The following SLC39A11 variants were observed in gnomAD, a reference collection of about 807,000 sequenced individuals.
SLC39A11 encodes zinc transporter ZIP11.
Under a neutral mutation model 36.1 loss-of-function variants are expected in SLC39A11, and 33 were observed. That is an observed-to-expected ratio of 0.91 (90% CI 0.69 to 1.22). The LOEUF (loss-of-function observed/expected upper bound fraction) is 1.22. SLC39A11 is among the 50% of genes most tolerant of loss of function. SLC39A11 has a pLI of 0.00. For synonymous variants in SLC39A11, 166 were observed against 170.3 expected, an observed-to-expected ratio of 0.97 and a Z score of 0.20; for missense variants, 432 against 430.3, an observed-to-expected ratio of 1.00 and a Z score of -0.03.
At chr17:72,743,729 C>T (rs375818563) in intron 6 of SLC39A11, among the ~76,000 whole-genome samples, 66 of 152,104 alleles carry the variant, frequency 4.3e-4, no homozygotes, top group Admixed American at 9.2e-4. Context: ...GATCAACAGA[C>T]GGTAGAAAGA....
intron 6 of SLC39A11, among the ~76,000 whole-genome samples, chr17:72,784,157 C>T (rs552267576): frequency 6.6e-6 from 1 of 152,212 alleles, no homozygotes; most frequent in South Asian, 2.1e-4. Flanking sequence ...CCAGCCTGGC[C>T]AACACGGTGA....
chr17:73,068,125 A>C lies in SLC39A11; in HGVS notation c.147+16683T>G. Reference sequence around the variant, plus strand: ...CTCCCACAGCCTTTAGCAAAATGTCAATTTTTTTCTTGGTGTCGCCAGCAG... The same window carrying C: ...CTCCCACAGCCTTTAGCAAAATGTCCATTTTTTTCTTGGTGTCGCCAGCAG... On this transcript the variant is annotated intron_variant, in intron 3 of 9. Transcript: ENST00000255559. 5 of 1,362,634 alleles carry C rather than the reference A, an allele frequency of 3.7e-6. No individual in the cohort carries two copies. The South Asian group carries it at 4.8e-5, about 13-fold the overall frequency. 84.4% of individuals were successfully genotyped at this position (1,362,634 alleles called of 1,614,324 possible). A position where few individuals can be genotyped will look rare whatever the true frequency, so the allele number is the denominator to read the frequency against.
chr17:72,959,831 G>A (rs867655592), intron 4 of SLC39A11, among the ~76,000 whole-genome samples: 28 of 152,258 alleles, frequency 1.8e-4, no homozygotes, highest in African/African-American at 4.3e-4. Context: ...GGTCAAAGTA[G>A]GAGCCAAGAG....
chr17:73,014,622 A>G (rs1284939944), intron 4 of SLC39A11, among the ~76,000 whole-genome samples: 1 of 152,220 alleles, frequency 6.6e-6, no homozygotes, highest in Non-Finnish European at 1.5e-5. Context: ...GTGCCACTGC[A>G]CTCCAACTTG....
At chr17:72,795,199 T>C (rs1297104807) in intron 6 of SLC39A11, among the ~76,000 whole-genome samples, 2 of 152,200 alleles carry the variant, frequency 1.3e-5, no homozygotes, top group South Asian at 4.1e-4. Flanking sequence ...CAGGAGGGGC[T>C]TAGCTGGATG....
At chr17:73,076,470 G>A (rs1281597248) in intron 3 of SLC39A11, among the ~76,000 whole-genome samples, 1 of 152,196 alleles carries the variant, frequency 6.6e-6, no homozygotes, top group East Asian at 1.9e-4. Flanking sequence ...TATTACAGAT[G>A]TATTGCAATG....
chr17:72,653,421 T>C (rs1012064369), intron 7 of SLC39A11, among the ~76,000 whole-genome samples: 40 of 142,918 alleles, frequency 2.8e-4, no homozygotes, highest in African/African-American at 1.0e-3. Context: ...TTTGTTTTGG[T>C]TTTTCTTTTC....
intron 7 of SLC39A11, among the ~76,000 whole-genome samples, chr17:72,729,432 TATATATATATATATATATA>T (rs2074094467): frequency 1.7e-3 from 6 of 3,456 alleles, no homozygotes; most frequent in South Asian, 8.6e-3. Context: ...TATATATATA[TATATATATATATATATATA>T]TATATATTTT....
At chr17:72,824,331 T>C (rs1441797567) in intron 6 of SLC39A11, among the ~76,000 whole-genome samples, 2 of 151,370 alleles carry the variant, frequency 1.3e-5, no homozygotes, top group East Asian at 3.8e-4. Flanking sequence ...GACTGAAGGT[T>C]TCCTGAGGCC....
intron 4 of SLC39A11, among the ~76,000 whole-genome samples, chr17:73,027,376 C>T (rs899099175): frequency 4.6e-5 from 7 of 152,196 alleles, no homozygotes; most frequent in Non-Finnish European, 8.8e-5. Context: ...TGTCCACCCC[C>T]TTTTTTTCTC....
chr17:72,852,228 A>AAAAAAAAAAAAAAAAAAAC (rs1491123331), intron 5 of SLC39A11, among the ~76,000 whole-genome samples: 4 of 134,906 alleles, frequency 3.0e-5, no homozygotes, highest in East Asian at 2.2e-4. Flanking sequence ...AAAAAAAAAA[A>AAAAAAAAAAAAAAAAAAAC]CAGAAAGAAA....
chr17:72,771,259 T>C (rs2075928062), intron 6 of SLC39A11, among the ~76,000 whole-genome samples: 1 of 151,258 alleles, frequency 6.6e-6, no homozygotes, highest in Non-Finnish European at 1.5e-5. Flanking sequence ...CGGCGATGCC[T>C]GTAATCCCAG....
chr17:72,663,210 C>G (rs1053743778), intron 7 of SLC39A11, among the ~76,000 whole-genome samples: 3 of 152,186 alleles, frequency 2.0e-5, no homozygotes, highest in African/African-American at 7.2e-5. Flanking sequence ...TTCTCCTTAA[C>G]ATATTTGAAA....
chr17:72,738,925 G>C (rs1411176577), intron 6 of SLC39A11, among the ~76,000 whole-genome samples: 2 of 152,140 alleles, frequency 1.3e-5, no homozygotes, highest in Non-Finnish European at 2.9e-5. Context: ...AGGCAGCGGA[G>C]ACTTATCCCA....
At chr17:72,973,247 G>C (rs1461843405) in intron 4 of SLC39A11, among the ~76,000 whole-genome samples, 1 of 151,974 alleles carries the variant, frequency 6.6e-6, no homozygotes, top group African/African-American at 2.4e-5. Flanking sequence ...CACAGGAAAG[G>C]TTTATTTGTC....
rs577810750 is a variant in SLC39A11 at position 72,851,079 on chromosome 17, T to C, written c.431-1275A>G. ...TCAGATATACATCAACAAGCAGAGA[T>C]GGGAAACCATGCAGCTAGACAGGAG... On this transcript the variant is annotated intron_variant, in intron 5 of 9. Transcript: ENST00000255559. Among the ~76,000 whole-genome samples, 8 of 151,940 alleles carry C rather than the reference T, an allele frequency of 5.3e-5. No homozygotes were observed. The East Asian group carries it at 1.6e-3, about 30-fold the overall frequency.
intron 6 of SLC39A11, among the ~76,000 whole-genome samples, chr17:72,751,616 C>T (rs2075159822): frequency 6.6e-6 from 1 of 151,958 alleles, no homozygotes; most frequent in Non-Finnish European, 1.5e-5. Context: ...CTTGCTCCGT[C>T]GCCCAGGCTG....
At chr17:72,870,882 T>C (rs975877160) in intron 5 of SLC39A11, among the ~76,000 whole-genome samples, 2 of 152,194 alleles carry the variant, frequency 1.3e-5, no homozygotes, top group East Asian at 1.9e-4. Flanking sequence ...GATACTGTGA[T>C]AGAATAAGAA....
rs528940088 is a variant in SLC39A11, at chr17:72,705,850, C to T, written c.671+30800G>A. On this transcript the variant is annotated intron_variant, in intron 7 of 9. Coordinates refer to ENST00000255559, the MANE Select transcript of SLC39A11 (RefSeq NM_139177.4). ...AGTGAATGTGCGACATTCACTACAG[C>T]AAAAATCTTTTGCCTGGACCAGTTA... Among the ~76,000 whole-genome samples the T allele has an allele frequency of 2.6e-5, 4 of 152,324 alleles. No homozygotes were observed. The South Asian group carries it at 8.3e-4, about 32-fold the overall frequency.
Sources: allele counts gnomAD v4.1 joint callset (sites outside exome capture counted in the v4.1 genomes callset), GRCh38; gene constraint gnomAD v4.1.1; transcripts MANE v1.5; gene names NCBI Gene and HGNC (gene_info 2026-07-23, HGNC 2026-07-21).